The following DNAH5 variants were observed in gnomAD, a reference collection of about 807,000 sequenced individuals.
The protein encoded by DNAH5 is axonemal beta dynein heavy chain 5.
In DNAH5, 372 loss-of-function variants were observed where a neutral mutation model predicts 518.2. The observed-to-expected ratio is 0.72, with a 90% CI of 0.66 to 0.78. The LOEUF is 0.78. Ranked by LOEUF, DNAH5 falls within the 30% of genes least tolerant of loss-of-function variation. The pLI, the probability that DNAH5 is intolerant of heterozygous loss-of-function variation, is 0.00. For synonymous variants in DNAH5, 2,039 were observed against 2,025.9 expected (o/e 1.01, Z -0.17); for missense variants, 5,523 against 5,687.0 (o/e 0.97, Z 0.93).
rs2126722460 is a variant in DNAH5 at position 13,757,804 on chromosome 5, G to T, written c.10419+1042C>A. Among the ~76,000 whole-genome samples, 4 of 152,308 alleles carry T rather than the reference G, an allele frequency of 2.6e-5. No homozygotes were observed. The South Asian group carries it at 8.3e-4, about 32-fold the overall frequency. On this transcript the variant is annotated intron_variant, in intron 61 of 78. Coordinates refer to ENST00000265104, the MANE Select transcript of DNAH5 (RefSeq NM_001369.3). ...AAAAGCATTTACTTTGCTTGTGGAA[G>T]ACTTATCTTTAAGACATTATATCAT...
intron 15 of DNAH5, chr5:13,896,807 C>T (rs2151956228): frequency 6.6e-6 from 1 of 152,248 alleles, no homozygotes; most frequent in South Asian, 2.1e-4. Context: ...ATATTTTGTT[C>T]ATATGTAACC....
chr5:13,820,552 C>T (rs369482459), intron 40 of DNAH5, 53 bp from the exon 41 acceptor site: 34 of 1,599,866 alleles, frequency 2.1e-5, no homozygotes, highest in Middle Eastern at 2.0e-4. Context: ...TGGCCGGACA[C>T]GGTGGCTCAC....
chr5:13,983,829 G>C (rs1048717330), intron 1 of DNAH5, among the ~76,000 whole-genome samples: 2 of 152,188 alleles, frequency 1.3e-5, no homozygotes, highest in South Asian at 2.1e-4. Context: ...ACCACTCCAA[G>C]CTTGCCTCTT....
intron 47 of DNAH5, among the ~76,000 whole-genome samples, chr5:13,800,607 C>A (rs1392692604): frequency 6.6e-6 from 1 of 152,134 alleles, no homozygotes; most frequent in African/African-American, 2.4e-5. Flanking sequence ...AATGTCATGA[C>A]CCCTTAAATT....
intron 1 of DNAH5, among the ~76,000 whole-genome samples, chr5:13,983,656 A>G (rs188183766): frequency 6.6e-6 from 1 of 152,296 alleles, no homozygotes; most frequent in East Asian, 1.9e-4. Flanking sequence ...CCTCTAGGCT[A>G]TGGGAATGAG....
chr5:13,804,623 C>T (rs1175206093), intron 47 of DNAH5, among the ~76,000 whole-genome samples: 4 of 152,046 alleles, frequency 2.6e-5, no homozygotes, highest in Admixed American at 1.3e-4. Flanking sequence ...GTCTCTGGCA[C>T]GAAACAGAGT....
Position 13,830,741 on chromosome 5 carries a change from T to A in DNAH5, c.5917A>T (p.Ser1973Cys), listed in dbSNP as rs1308209014. The A allele has an allele frequency of 6.2e-7, 1 of 1,614,178 alleles. No individual in the cohort carries two copies. Among genetic ancestry groups the A allele is most frequent in the Non-Finnish European group, 8.5e-7 (1 of 1,180,030 alleles). Reference sequence around the variant, plus strand: ...GGTCCAGCAGGGGCTCCCCCCATGCTCATTCCCAGAGCTTGAGCCAGCGTG... The same window carrying A: ...GGTCCAGCAGGGGCTCCCCCCATGCACATTCCCAGAGCTTGAGCCAGCGTG... ...YITLAQALGM[S>C]MGGAPAGPAG... Residue 1973 changes from serine (S) to cysteine (C), a missense_variant, in exon 36 of 79, where the codon AGC becomes TGC. By Grantham distance (112) the Ser-to-Cys change is moderately radical. Around this residue, in one of 3 missense-constraint regions of DNAH5, gnomAD observed 5,121 missense variants for 5,223.3 expected, o/e 0.98. Transcript: ENST00000265104.
chr5:13,993,140 G>A lies in DNAH5; in HGVS notation c.12+18508C>T, dbSNP rs1025380218. ...ATGGGTGTCCACTTTTTTCCTTAGCGATGCCCGTCTACGCATGCTTAGCTT... is the reference window on the plus strand; with the variant it reads ...ATGGGTGTCCACTTTTTTCCTTAGCAATGCCCGTCTACGCATGCTTAGCTT... On this transcript the variant is annotated intron_variant, in intron 1 of 78. Transcript: ENST00000681290. 2.0e-5 allele frequency among the ~76,000 whole-genome samples: 3 copies of A among 152,306 alleles called. No individual in the cohort carries two copies. The South Asian group carries it at 6.2e-4, about 32-fold the overall frequency.
At chr5:13,713,739 G>A (rs537357434) in intron 75 of DNAH5, among the ~76,000 whole-genome samples, 13 of 151,640 alleles carry the variant, frequency 8.6e-5, no homozygotes, top group Admixed American at 6.6e-4. Flanking sequence ...ATGGTGCATC[G>A]CATACTGCTT....
intron 35 of DNAH5, among the ~76,000 whole-genome samples, chr5:13,835,728 C>T (rs1447048131): frequency 6.6e-6 from 1 of 151,918 alleles, no homozygotes; most frequent in Non-Finnish European, 1.5e-5. Flanking sequence ...CCCCTGTTTA[C>T]GTGGTTTTTC....
At position 13,823,335 on chromosome 5, in the gene DNAH5, A is replaced by C; in HGVS notation, c.6615T>G (p.Ile2205Met). 6.2e-7 allele frequency: 1 copy of C among 1,613,994 alleles called. No homozygotes were observed. Among genetic ancestry groups the C allele is most frequent in the Non-Finnish European group, 8.5e-7 (1 of 1,179,892 alleles). The change falls in exon 40 of 79, where the codon ATT becomes ATG. Residue 2205 changes from isoleucine to methionine, a missense_variant. Physicochemically the swap from Ile to Met is conservative, Grantham distance 10. Coordinates refer to ENST00000265104, the MANE Select transcript of DNAH5 (RefSeq NM_001369.3). Reference sequence around the variant, plus strand: ...GAAGAATATTTGGAAAGAGATCTTCAATCAAACTCAAAAACAAGGGTTCAT... The same window carrying C: ...GAAGAATATTTGGAAAGAGATCTTCCATCAAACTCAAAAACAAGGGTTCAT... ...DEDEPLFLSL[I>M]EDLFPNILLD...
At chr5:13,935,027 A>G (rs1406042037) in intron 1 of DNAH5, among the ~76,000 whole-genome samples, 1 of 152,236 alleles carries the variant, frequency 6.6e-6, no homozygotes, top group East Asian at 1.9e-4. Context: ...AAATATCTTT[A>G]GCAGCTTGAG....
intron 61 of DNAH5, 57 bp downstream of exon 61, chr5:13,758,789 T>C: frequency 1.9e-6 from 3 of 1,612,922 alleles, no homozygotes; most frequent in Non-Finnish European, 2.5e-6. Context: ...CCCAAACTCT[T>C]GGAGAGAGAA....
intron 69 of DNAH5, 86 bp downstream of exon 69, chr5:13,729,353 C>A: frequency 6.4e-7 from 1 of 1,556,124 alleles, no homozygotes; most frequent in Non-Finnish European, 8.8e-7. Flanking sequence ...TAAGAACTAT[C>A]TCTCTTCCAC....
chr5:13,857,218 A>G (rs1236199208), intron 30 of DNAH5, among the ~76,000 whole-genome samples: 1 of 152,188 alleles, frequency 6.6e-6, no homozygotes, highest in Non-Finnish European at 1.5e-5. Flanking sequence ...CACACCAATA[A>G]TAGACAAACA....
At position 13,840,957 on chromosome 5, in the gene DNAH5, G is replaced by C. The variant is rs6880264; in HGVS notation, c.5658C>G (p.Tyr1886Ter). ...RDLSSTERVK[Y>*]ETLITIHVHQ... ...GCACATGAATAGTAATCAGAGTCTC[G>C]TATTTCACTCGTTCCGTGGAACTCA... The change falls in exon 34 of 79, where the codon TAC (tyrosine) becomes TAG (stop). Residue 1886 changes from tyrosine (Y) to a stop codon, truncating the protein, a stop_gained. Coordinates refer to ENST00000265104, the MANE Select transcript of DNAH5 (RefSeq NM_001369.3). LOFTEE classifies it high-confidence loss of function. 5 of 1,614,054 alleles carry C rather than the reference G, an allele frequency of 3.1e-6. No homozygotes were observed. The highest frequency in any genetic ancestry group is 2.2e-5 in the East Asian group (1 of 44,876).
intron 70 of DNAH5, among the ~76,000 whole-genome samples, chr5:13,722,395 G>A (rs1468999525): frequency 6.6e-6 from 1 of 152,168 alleles, no homozygotes; most frequent in African/African-American, 2.4e-5. Flanking sequence ...CTTACAAATT[G>A]GTGCGATGTT....
rs759737050 is a variant in DNAH5 at position 13,864,425 on chromosome 5, G to A, written c.4568C>T (p.Pro1523Leu). 1 of 1,614,078 alleles carries A rather than the reference G, an allele frequency of 6.2e-7. No individual in the cohort carries two copies. The highest frequency in any genetic ancestry group is 1.3e-5 in the African/African-American group (1 of 75,018). The change falls in exon 28 of 79, where the codon CCT becomes CTT. Residue 1523 changes from proline to leucine, a missense_variant. By Grantham distance (98) the Pro-to-Leu change is moderately conservative. Around this residue, in one of 3 missense-constraint regions of DNAH5, gnomAD observed 5,121 missense variants for 5,223.3 expected, o/e 0.98. Transcript: ENST00000265104. Reference sequence around the variant, plus strand: ...TATTTCCTCTTTATATTTCAGAAGAGGTGCCTCCATGATATTTCTTAACTT... The same window carrying A: ...TATTTCCTCTTTATATTTCAGAAGAAGTGCCTCCATGATATTTCTTAACTT... ...SFKLRNIMEA[P>L]LLKYKEEIED...
intron 1 of DNAH5, among the ~76,000 whole-genome samples, chr5:13,932,698 G>A (rs1408542308): frequency 6.6e-6 from 1 of 152,216 alleles, no homozygotes; most frequent in Non-Finnish European, 1.5e-5. Flanking sequence ...CATCATTCTG[G>A]CAGCAGTGTG....
Sources: allele counts gnomAD v4.1 joint callset (sites outside exome capture counted in the v4.1 genomes callset), GRCh38; gene constraint gnomAD v4.1.1; regional missense constraint gnomAD v4.1.1; transcripts MANE v1.5; gene names NCBI Gene and HGNC (gene_info 2026-07-23, HGNC 2026-07-21).